Variants in CSMD3 observed in about 807,000 individuals in gnomAD.
CSMD3 encodes CUB and sushi domain-containing protein 3.
In CSMD3, 177 loss-of-function variants were observed where a neutral mutation model predicts 435.2. The observed-to-expected ratio is 0.41, with a 90% CI of 0.36 to 0.46. The LOEUF (loss-of-function observed/expected upper bound fraction) is 0.46. Among genes scored for constraint, CSMD3 ranks in the 20% least tolerant of loss-of-function variants. The pLI, the probability that CSMD3 is intolerant of heterozygous loss-of-function variation, is 0.34. For synonymous variants in CSMD3, 1,656 were observed against 1,520.5 expected (o/e 1.09, Z -2.07); for missense variants, 4,265 against 4,504.6 (o/e 0.95, Z 1.52).
At chr8:112,273,291 AT>A (rs138744261) in intron 59 of CSMD3, among the ~76,000 whole-genome samples, 5,297 of 152,022 alleles carry the variant, frequency 0.035, 308 homozygotes, top group African/African-American at 0.12. Flanking sequence ...TAAAAAAAAA[AT>A]GAAAGTGTTC....
intron 22 of CSMD3, among the ~76,000 whole-genome samples, chr8:112,605,300 A>G (rs1404183544): frequency 2.0e-5 from 3 of 152,172 alleles, no homozygotes; most frequent in Non-Finnish European, 4.4e-5. Flanking sequence ...AAGAAATATA[A>G]ATTGTTCTAC....
rs141505737 is a variant in CSMD3, at chr8:112,632,230, T to G, written c.3715+4587A>C. Among the ~76,000 whole-genome samples, 190 of 152,172 alleles carry G rather than the reference T, an allele frequency of 1.2e-3. 2 individuals are homozygous for G. Among genetic ancestry groups the G allele is most frequent in the African/African-American group, 4.4e-3 (184 of 41,562 alleles). ...CATATATGCTGCACATTCAGTTTGC[T>G]CTCTTCATTTTTAAACTAAGAAATA... On this transcript the variant is annotated intron_variant, in intron 22 of 70. Transcript: ENST00000297405.
chr8:112,255,450 T>C, intron 61 of CSMD3, 23 bp from the exon 62 acceptor site: 2 of 1,611,506 alleles, frequency 1.2e-6, no homozygotes, highest in Non-Finnish European at 1.7e-6. Context: ...AGAAAGACGC[T>C]TATATCAAAG....
chr8:112,929,922 A>G (rs567111204), intron 9 of CSMD3, among the ~76,000 whole-genome samples: 1 of 152,230 alleles, frequency 6.6e-6, no homozygotes, highest in African/African-American at 2.4e-5. Context: ...AAAGCTTTCA[A>G]ATAGTATTAA....
intron 35 of CSMD3, among the ~76,000 whole-genome samples, chr8:112,394,265 A>G (rs1282431375): frequency 2.6e-5 from 4 of 152,100 alleles, no homozygotes; most frequent in African/African-American, 4.8e-5. Flanking sequence ...AAAGCTTACT[A>G]ATTCTCATCA....
At chr8:113,085,021 G>A (rs954455299) in intron 5 of CSMD3, among the ~76,000 whole-genome samples, 1 of 151,952 alleles carries the variant, frequency 6.6e-6, no homozygotes, top group African/African-American at 2.4e-5. Context: ...ACTACTAGAA[G>A]AATGCATACG....
rs1477876435 is a variant in CSMD3 at position 112,223,545 on chromosome 8, T to TA, written c.*1225dup. 1 of 153,284 alleles carries TA rather than the reference T, an allele frequency of 6.5e-6. No homozygotes were observed. Among genetic ancestry groups the TA allele is most frequent in the African/African-American group, 2.4e-5 (1 of 41,488 alleles). The allele number at this position is 153,284 out of a possible 1,614,324, so 9.5% of individuals were successfully genotyped here. ...ACCAATAACTTACAAATACATATCT[T>TA]AATTTGACAATGAAAGAAACCTCTT... On this transcript the variant is annotated 3_prime_UTR_variant, in exon 71 of 71. Transcript: ENST00000297405.
rs1033732117 is a variant in CSMD3, at chr8:112,982,299, G to A, written c.1031-6151C>T. Among the ~76,000 whole-genome samples, 3 of 151,760 alleles carry A rather than the reference G, an allele frequency of 2.0e-5. No individual in the cohort carries two copies. The East Asian group carries it at 5.8e-4, about 29-fold the overall frequency. ...TAACTAAGTATAATAGTCTTATAAGGTCACAAAACTGACAATAAATGTTGA... is the reference window on the plus strand; with the variant it reads ...TAACTAAGTATAATAGTCTTATAAGATCACAAAACTGACAATAAATGTTGA... On this transcript the variant is annotated intron_variant, in intron 6 of 70. Transcript: ENST00000297405.
intron 24 of CSMD3, among the ~76,000 whole-genome samples, chr8:112,567,741 G>T (rs1829174575): frequency 1.3e-5 from 2 of 152,030 alleles, no homozygotes; most frequent in Non-Finnish European, 1.5e-5. Context: ...TCTGCTATAG[G>T]ATTATGGAGA....
chr8:112,342,895 G>C (rs1825263396), intron 41 of CSMD3, among the ~76,000 whole-genome samples: 1 of 149,522 alleles, frequency 6.7e-6, no homozygotes, highest in Non-Finnish European at 1.5e-5. Flanking sequence ...TTTTAACTGA[G>C]CACTTTTATT....
intron 61 of CSMD3, among the ~76,000 whole-genome samples, chr8:112,262,947 T>A (rs1049248966): frequency 6.6e-6 from 1 of 152,108 alleles, no homozygotes; most frequent in Non-Finnish European, 1.5e-5. Flanking sequence ...TCCTCCTCTA[T>A]CCCATGCTGG....
intron 27 of CSMD3, among the ~76,000 whole-genome samples, chr8:112,526,375 T>A (rs2131045110): frequency 6.6e-6 from 1 of 152,102 alleles, no homozygotes; most frequent in South Asian, 2.1e-4. Flanking sequence ...TTTATTTATT[T>A]TTTGAATCAG....
chr8:112,845,786 G>A (rs373603072), intron 11 of CSMD3, among the ~76,000 whole-genome samples: 29 of 152,114 alleles, frequency 1.9e-4, no homozygotes, highest in African/African-American at 7.0e-4. Flanking sequence ...CTGAGTGAGA[G>A]GGAGTTAAAC....
At chr8:113,045,092 GTA>G (rs1169383730) in intron 5 of CSMD3, among the ~76,000 whole-genome samples, 1 of 148,838 alleles carries the variant, frequency 6.7e-6, no homozygotes, top group African/African-American at 2.4e-5. Flanking sequence ...TTGTCTACAT[GTA>G]TTACTATTAT....
intron 13 of CSMD3, among the ~76,000 whole-genome samples, chr8:112,752,247 A>T (rs1011006408): frequency 1.3e-5 from 2 of 152,052 alleles, no homozygotes; most frequent in East Asian, 1.9e-4. Flanking sequence ...ACTGGTCTCT[A>T]TTCCTAAGCC....
chr8:113,169,097 C>A (rs184609681), intron 4 of CSMD3, among the ~76,000 whole-genome samples: 1 of 152,102 alleles, frequency 6.6e-6, no homozygotes, highest in Admixed American at 6.6e-5. Flanking sequence ...TTTGGTATTA[C>A]ATTTTGATCC....
At chr8:112,856,536 T>C (rs1158994851) in intron 11 of CSMD3, among the ~76,000 whole-genome samples, 1 of 151,860 alleles carries the variant, frequency 6.6e-6, no homozygotes, top group Non-Finnish European at 1.5e-5. Context: ...ACTTACTTTA[T>C]ATAAGGAGTT....
At chr8:113,069,761 A>T (rs1254628052) in intron 5 of CSMD3, among the ~76,000 whole-genome samples, 1 of 152,156 alleles carries the variant, frequency 6.6e-6, no homozygotes, top group Admixed American at 6.6e-5. Flanking sequence ...AGTTCAAGAC[A>T]ACAGAGTACG....
intron 10 of CSMD3, among the ~76,000 whole-genome samples, chr8:112,897,007 T>C (rs1220057642): frequency 6.6e-6 from 1 of 151,470 alleles, no homozygotes; most frequent in Non-Finnish European, 1.5e-5. Context: ...CTGCAGATTT[T>C]GCACATACTA....
Sources: gnomAD v4.1 joint callset for allele counts (sites outside exome capture counted in the v4.1 genomes callset) on GRCh38, gnomAD v4.1.1 for gene constraint, MANE v1.5 for transcripts, NCBI Gene and HGNC (gene_info 2026-07-23, HGNC 2026-07-21) for gene names.